The following SMAD4 variants were observed in gnomAD, a reference collection of about 807,000 sequenced individuals.
SMAD4 encodes MAD homolog 4.
SMAD4 carries 7 observed loss-of-function variants against 63.2 expected under a neutral mutation model. The observed-to-expected ratio is 0.11, with a 90% CI of 0.06 to 0.21. The LOEUF is 0.21. Ranked by LOEUF, SMAD4 falls within the 10% of genes least tolerant of loss-of-function variation. The pLI, the probability that SMAD4 is intolerant of heterozygous loss-of-function variation, is 1.00. For synonymous variants in SMAD4, 215 were observed against 235.4 expected (o/e 0.91, Z 0.79); for missense variants, 312 against 693.8 (o/e 0.45, Z 6.18).
intron 1 of SMAD4, among the ~76,000 whole-genome samples, chr18:51,037,999 A>T (rs1467738428): frequency 2.0e-5 from 3 of 152,150 alleles, no homozygotes; most frequent in Non-Finnish European, 4.4e-5. Flanking sequence ...ATTAAAAAAA[A>T]TATGTTGGGC....
intron 10 of SMAD4, among the ~76,000 whole-genome samples, chr18:51,076,260 A>G (rs959286783): frequency 2.0e-5 from 3 of 152,218 alleles, no homozygotes; most frequent in Non-Finnish European, 4.4e-5. Context: ...CCAGGCGACC[A>G]AAGCTATCAA....
intron 7 of SMAD4, 84 bp downstream of exon 7, chr18:51,058,540 C>T: frequency 1.1e-6 from 1 of 876,592 alleles, no homozygotes; most frequent in Non-Finnish European, 1.8e-6. Context: ...AATGTTTTTA[C>T]ATCTTTTATT....
chr18:51,046,051 AT>A (rs1258246562), intron 1 of SMAD4, among the ~76,000 whole-genome samples: 2 of 152,186 alleles, frequency 1.3e-5, no homozygotes, highest in Non-Finnish European at 2.9e-5. Context: ...AGTTGTATCC[AT>A]TATGAACAAC....
intron 4 of SMAD4, chr18:51,051,522 A>T: frequency 2.4e-6 from 1 of 409,116 alleles, no homozygotes; most frequent in South Asian, 1.8e-5. Context: ...TTCTATGACC[A>T]CGTTGACCTG....
At position 51,079,826 on chromosome 18, in the gene SMAD4, A is replaced by C; in HGVS notation, c.*1359A>C. Reference sequence around the variant, plus strand: ...TTTTAAGATTTTTTTTTTCTTTTGCACTTTTGAGTCCAATCTCAGTGATGA... The same window carrying C: ...TTTTAAGATTTTTTTTTTCTTTTGCCCTTTTGAGTCCAATCTCAGTGATGA... On this transcript the variant is annotated 3_prime_UTR_variant, in exon 12 of 12. Transcript: ENST00000342988. The C allele has an allele frequency of 4.3e-6, 1 of 232,358 alleles. No individual in the cohort carries two copies. The highest frequency in any genetic ancestry group is 6.1e-5 in the East Asian group (1 of 16,402). 14.4% of individuals were successfully genotyped at this position (232,358 alleles called of 1,614,324 possible).
intron 10 of SMAD4, among the ~76,000 whole-genome samples, chr18:51,068,196 A>G (rs1051670804): frequency 1.3e-5 from 2 of 152,240 alleles, no homozygotes; most frequent in African/African-American, 4.8e-5. Flanking sequence ...GTTATAGTTC[A>G]GTTAAAGAAT....
At position 51,057,264 on chromosome 18, in the gene SMAD4, C is replaced by T. The variant is rs1459363835; in HGVS notation, c.668-861C>T. On this transcript the variant is annotated intron_variant, in intron 5 of 11. Transcript: ENST00000342988. ...AAATAATTATAACTTTAGTGCTTTC[C>T]AAATAGGATTAACAGTCGAGTTAAT... Among the ~76,000 whole-genome samples the T allele has an allele frequency of 2.0e-5, 3 of 151,950 alleles. No homozygotes were observed. The East Asian group carries it at 5.8e-4, about 29-fold the overall frequency.
intron 3 of SMAD4, 68 bp from the exon 4 acceptor site, chr18:51,049,227 T>C: frequency 8.2e-7 from 1 of 1,221,604 alleles, no homozygotes; most frequent in Non-Finnish European, 1.2e-6. Context: ...CATTCTCTGT[T>C]TTTAAATGGA....
chr18:51,067,692 T>C (rs1265656236), intron 10 of SMAD4, among the ~76,000 whole-genome samples: 2 of 152,164 alleles, frequency 1.3e-5, no homozygotes, highest in African/African-American at 4.8e-5. Flanking sequence ...GGATTACAGG[T>C]GTGAACCACT....
intron 4 of SMAD4, among the ~76,000 whole-genome samples, chr18:51,050,355 C>CAA (rs555056218): frequency 1.7e-5 from 2 of 117,446 alleles, no homozygotes; most frequent in Admixed American, 8.9e-5. Context: ...GAAACTGTCT[C>CAA]AAAAAAAAAA....
rs1231299452 is a variant in SMAD4, at chr18:51,036,433, T to C, written c.-128+5810T>C. Among the ~76,000 whole-genome samples the C allele has an allele frequency of 2.0e-5, 3 of 152,124 alleles. No individual in the cohort carries two copies. The East Asian group carries it at 5.8e-4, about 29-fold the overall frequency. ...GGCAGTCCTTGTAAAAATTGAATAA[T>C]CTAGTGAAAGGATGACCGGAAATAA... On this transcript the variant is annotated intron_variant, in intron 1 of 11. Coordinates refer to ENST00000342988, the MANE Select transcript of SMAD4 (RefSeq NM_005359.6).
chr18:51,062,952 G>A (rs1910059150), intron 8 of SMAD4, among the ~76,000 whole-genome samples: 1 of 136,090 alleles, frequency 7.3e-6, no homozygotes, highest in South Asian at 2.3e-4. Context: ...TGCCTCCCGG[G>A]TTCACACCAT....
chr18:51,054,696 GTTA>G (rs1261139965), intron 4 of SMAD4, 82 bp from the exon 5 acceptor site: 15 of 852,978 alleles, frequency 1.8e-5, no homozygotes, highest in Admixed American at 4.1e-5. Context: ...GATTTTAGGT[GTTA>G]TTATATTACT....
In SMAD4 at chr18:51,072,174, G is replaced by C. The variant is rs545968588; in HGVS notation, c.1309-4464G>C. Among the ~76,000 whole-genome samples, 22 of 152,324 alleles carry C rather than the reference G, an allele frequency of 1.4e-4. No homozygotes were observed. In the South Asian group the frequency reaches 4.3e-3, roughly 30 times the overall value. Reference sequence around the variant, plus strand: ...AAACTTTTTGAGAAACTGATAGACTGTTTTACAAAATGGCTGCACCACTTT... The same window carrying C: ...AAACTTTTTGAGAAACTGATAGACTCTTTTACAAAATGGCTGCACCACTTT... On this transcript the variant is annotated intron_variant, in intron 10 of 11. Transcript: ENST00000342988.
intron 1 of SMAD4, among the ~76,000 whole-genome samples, chr18:51,036,523 A>C (rs2144379488): frequency 6.6e-6 from 1 of 152,330 alleles, no homozygotes; most frequent in East Asian, 1.9e-4. Context: ...GTCTTACATC[A>C]TAAATATGCC....
rs1177297125 is a variant in SMAD4 at position 51,079,252 on chromosome 18, C to T, written c.*785C>T. ...TTGTATTCTTCTGTATTTCTAGGCA[C>T]AAGGTTGGTTGCTAAGAAGCCTATA... is the stretch of plus-strand genomic sequence containing the variant. On this transcript the variant is annotated 3_prime_UTR_variant, in exon 12 of 12. Transcript: ENST00000342988. The T allele has an allele frequency of 4.3e-6, 1 of 233,016 alleles. No homozygotes were observed. The highest frequency in any genetic ancestry group is 8.5e-6 in the Non-Finnish European group (1 of 117,900). 14.4% of individuals were successfully genotyped at this position (233,016 alleles called of 1,614,324 possible). A position where few individuals can be genotyped will look rare whatever the true frequency, so the allele number is the denominator to read the frequency against.
intron 10 of SMAD4, among the ~76,000 whole-genome samples, chr18:51,072,289 T>C (rs1910338124): frequency 6.6e-6 from 1 of 152,166 alleles, no homozygotes; most frequent in Non-Finnish European, 1.5e-5. Context: ...GCCATTGTAG[T>C]AGGTGTGAAG....
At chr18:51,055,835 T>C (rs1909831090) in intron 5 of SMAD4, among the ~76,000 whole-genome samples, 1 of 152,180 alleles carries the variant, frequency 6.6e-6, no homozygotes, top group South Asian at 2.1e-4. Context: ...GGGCTAATAC[T>C]GTGTTAGTTG....
At chr18:51,061,898 C>G (rs911917818) in intron 8 of SMAD4, among the ~76,000 whole-genome samples, 1 of 151,940 alleles carries the variant, frequency 6.6e-6, no homozygotes, top group Admixed American at 6.6e-5. Flanking sequence ...AATTTTTCTT[C>G]TAGCTGTTTA....
Sources: allele counts gnomAD v4.1 joint callset (sites outside exome capture counted in the v4.1 genomes callset), GRCh38; gene constraint gnomAD v4.1.1; transcripts MANE v1.5; gene names NCBI Gene and HGNC (gene_info 2026-07-23, HGNC 2026-07-21).